The following CLCN4 variants were observed in gnomAD, a reference collection of about 807,000 sequenced individuals.
CLCN4 encodes H(+)/Cl(-) exchange transporter 4.
Under a neutral mutation model 41.7 loss-of-function variants are expected in CLCN4, and 1 was observed. The observed-to-expected ratio is 0.02, with a 90% CI of 0.01 to 0.11. CLCN4 has a LOEUF of 0.11. Among genes scored for constraint, CLCN4 ranks in the 10% least tolerant of loss-of-function variants. The pLI is 1.00. For synonymous variants in CLCN4, 277 were observed against 285.8 expected (o/e 0.97, Z 0.31); for missense variants, 287 against 661.0 (o/e 0.43, Z 6.20).
At chrX:10,191,832 G>A (rs1923974498) in intron 4 of CLCN4, among the ~76,000 whole-genome samples, 2 of 104,964 alleles carry the variant, frequency 1.9e-5, no homozygotes, top group Non-Finnish European at 3.9e-5. Context: ...AAGCCACTGC[G>A]CCTGGCCCTT....
At chrX:10,201,042 A>T (rs1924225579) in intron 6 of CLCN4, among the ~76,000 whole-genome samples, 1 of 112,247 alleles carries the variant, frequency 8.9e-6, no homozygotes, top group African/African-American at 3.3e-5. Flanking sequence ...ACATGGATGA[A>T]ATTAAAAAAT....
At position 10,158,443 on chromosome X, in the gene CLCN4, G is replaced by A. The variant is rs1285889663; in HGVS notation, c.-120G>A. 3.4e-6 allele frequency: 1 copy of A among 296,897 alleles called. No individual in the cohort carries two copies. Among genetic ancestry groups the A allele is most frequent in the East Asian group, 4.8e-5 (1 of 20,999 alleles). 24.5% of individuals were successfully genotyped at this position (296,897 alleles called of 1,213,427 possible). A position where few individuals can be genotyped will look rare whatever the true frequency, so the allele number is the denominator to read the frequency against. On this transcript the variant is annotated 5_prime_UTR_variant, in exon 2 of 13. Transcript: ENST00000380833. ...CCCCGAGGGCGTCACGTGGCAGCGT[G>A]GGGCCCGCCTCCTGGTGATGTCACG... is the stretch of plus-strand genomic sequence containing the variant.
chrX:10,222,818 ACTC>A (rs1924894569), intron 12 of CLCN4, among the ~76,000 whole-genome samples: 2 of 111,409 alleles, frequency 1.8e-5, no homozygotes, highest in Non-Finnish European at 3.8e-5. Context: ...TACCCAGAGA[ACTC>A]CTGGCCAGCA....
intron 6 of CLCN4, among the ~76,000 whole-genome samples, chrX:10,199,834 G>C (rs1018781093): frequency 5.4e-4 from 59 of 109,950 alleles, no homozygotes; most frequent in African/African-American, 1.7e-3. Context: ...TCTCGGCTCA[G>C]TGCAACCTCC....
intron 6 of CLCN4, among the ~76,000 whole-genome samples, chrX:10,200,460 C>T (rs138706888): frequency 3.5e-4 from 39 of 112,226 alleles, no homozygotes; most frequent in African/African-American, 1.1e-3. Context: ...AGGAGATGGC[C>T]GATGGGGAAT....
At chrX:10,205,917 C>G (rs1924376969) in intron 6 of CLCN4, among the ~76,000 whole-genome samples, 1 of 110,634 alleles carries the variant, frequency 9.0e-6, no homozygotes, top group Non-Finnish European at 1.9e-5. Context: ...CTGTGCCCAG[C>G]CTGGGGTAGC....
intron 8 of CLCN4, among the ~76,000 whole-genome samples, chrX:10,207,363 G>A (rs1924423270): frequency 8.9e-6 from 1 of 112,340 alleles, no homozygotes; most frequent in Non-Finnish European, 1.9e-5. Context: ...TATTCCAGGG[G>A]TTGGCAAACG....
intron 2 of CLCN4, among the ~76,000 whole-genome samples, chrX:10,166,712 G>A (rs995988007): frequency 1.8e-5 from 2 of 112,351 alleles, no homozygotes; most frequent in African/African-American, 6.5e-5. Context: ...CCAGGTACAC[G>A]GAGCCCTGTA....
chrX:10,235,328 G>A lies in CLCN4; in HGVS notation c.*1744G>A, dbSNP rs1185319866. ...CTCAGCTTGTATCCATTGACTGGAA[G>A]TCTGTCACGTGGCTCCCCCTAGCCG... On this transcript the variant is annotated 3_prime_UTR_variant, in exon 13 of 13. Coordinates refer to ENST00000380833, the MANE Select transcript of CLCN4 (RefSeq NM_001830.4). 8.9e-6 allele frequency: 1 copy of A among 112,148 alleles called. No individual in the cohort carries two copies. 9.2% of individuals were successfully genotyped at this position (112,148 alleles called of 1,213,427 possible).
intron 12 of CLCN4, among the ~76,000 whole-genome samples, 195 bp from the exon 13 acceptor site, chrX:10,233,299 C>T (rs1602170415): frequency 9.0e-6 from 1 of 111,620 alleles, no homozygotes; most frequent in Non-Finnish European, 1.9e-5. Flanking sequence ...GCACAGGAGA[C>T]CTGGGAGCAG....
chrX:10,161,679 G>A (rs1923109330), intron 2 of CLCN4, among the ~76,000 whole-genome samples: 2 of 111,241 alleles, frequency 1.8e-5, no homozygotes, highest in South Asian at 3.8e-4. Context: ...GACAGATGCA[G>A]TGATCCCCAC....
intron 2 of CLCN4, among the ~76,000 whole-genome samples, chrX:10,178,099 C>T (rs1433104666): frequency 1.8e-5 from 2 of 108,531 alleles, no homozygotes; most frequent in East Asian, 2.9e-4. Context: ...AATAGGCAAA[C>T]GCATAGGATG....
chrX:10,206,273 C>T (rs1602156208), intron 6 of CLCN4, 85 bp from the exon 7 acceptor site: 20 of 672,601 alleles, frequency 3.0e-5, no homozygotes, highest in East Asian at 1.3e-4. Context: ...AAACTTTGAA[C>T]GTGTCTCTCA....
At chrX:10,221,645 G>C (rs772405428) in intron 12 of CLCN4, among the ~76,000 whole-genome samples, 8 of 112,327 alleles carry the variant, frequency 7.1e-5, no homozygotes, top group South Asian at 3.7e-4. Flanking sequence ...ATGAGACCCT[G>C]TCTTGTAAAA....
intron 11 of CLCN4, among the ~76,000 whole-genome samples, chrX:10,216,897 GTATATATATATA>G (rs1555977625): frequency 4.8e-4 from 10 of 20,826 alleles, no homozygotes; most frequent in Non-Finnish European, 1.8e-4. Context: ...GTGTGTGTGT[GTATATATATATA>G]TATATATATA....
At chrX:10,193,692 C>T (rs1924025753) in intron 4 of CLCN4, among the ~76,000 whole-genome samples, 1 of 112,169 alleles carries the variant, frequency 8.9e-6, no homozygotes, top group Non-Finnish European at 1.9e-5. Flanking sequence ...TATCTCAGCT[C>T]TTCAGTTCTG....
Position 10,212,837 on chromosome X carries a change from G to GCACACACACACACACACACACACACA in CLCN4, c.1576+186_1576+187insCACACACACACACACACACACACACA, listed in dbSNP as rs199932119. On this transcript the variant is annotated intron_variant, in intron 10 of 12. Transcript: ENST00000380833. The stretch of plus-strand genomic sequence containing the variant: ...ACCAAGGCTATGTCTCGCTCACTAT[G>GCACACACACACACACACACACACACA]CAGACACACACACACACACACAAAC... Among the ~76,000 whole-genome samples, 1,225 of 106,541 alleles carry GCACACACACACACACACACACACACA rather than the reference G, an allele frequency of 0.011. 16 individuals are homozygous for GCACACACACACACACACACACACACA. Among genetic ancestry groups the GCACACACACACACACACACACACACA allele is most frequent in the Middle Eastern group, 0.054 (11 of 204 alleles). 92.5% of individuals were successfully genotyped at this position (106,541 alleles called of 115,157 possible).
In CLCN4 at chrX:10,234,601, C is replaced by T. The variant is rs1925206059; in HGVS notation, c.*1017C>T. 1 of 112,503 alleles carries T rather than the reference C, an allele frequency of 8.9e-6. No individual in the cohort carries two copies. The highest frequency in any genetic ancestry group is 3.2e-5 in the African/African-American group (1 of 30,884). 9.3% of individuals were successfully genotyped at this position (112,503 alleles called of 1,213,427 possible). On this transcript the variant is annotated 3_prime_UTR_variant, in exon 13 of 13. Transcript: ENST00000380833. ...AGATACGGCTGTGGAGAGGATGAGG[C>T]ATATGCGTTGTCAGTTGGAATCCCT...
chrX:10,172,635 G>A (rs892590722), intron 2 of CLCN4, among the ~76,000 whole-genome samples: 3 of 104,459 alleles, frequency 2.9e-5, no homozygotes, highest in Non-Finnish European at 5.8e-5. Flanking sequence ...ATGGGAAAGT[G>A]TGTGTGTTTG....
Sources: gnomAD v4.1 joint callset for allele counts (sites outside exome capture counted in the v4.1 genomes callset) on GRCh38, gnomAD v4.1.1 for gene constraint, MANE v1.5 for transcripts, NCBI Gene and HGNC (gene_info 2026-07-23, HGNC 2026-07-21) for gene names.